The following PTGES3 variants were observed in gnomAD, a reference collection of about 807,000 sequenced individuals.
PTGES3 encodes the protein prostaglandin E synthase 3.
PTGES3 carries 5 observed loss-of-function variants against 29.9 expected under a neutral mutation model. That is an observed-to-expected ratio of 0.17 (90% CI 0.09 to 0.35). PTGES3 has a LOEUF of 0.35. Ranked by LOEUF, PTGES3 falls within the 10% of genes least tolerant of loss-of-function variation. The pLI is 1.00. For synonymous variants in PTGES3, 49 were observed against 57.8 expected (o/e 0.85, Z 0.69); for missense variants, 128 against 190.0 (o/e 0.67, Z 1.92).
intron 5 of PTGES3, among the ~76,000 whole-genome samples, chr12:56,666,635 CT>C (rs201297659): frequency 3.4e-5 from 5 of 149,012 alleles, no homozygotes; most frequent in African/African-American, 7.4e-5. Flanking sequence ...TTAAGGTATT[CT>C]TTTTTTTTTG....
At chr12:56,687,505 C>T (rs1262012093) in intron 1 of PTGES3, 3 of 997,550 alleles carry the variant, frequency 3.0e-6, no homozygotes, top group Non-Finnish European at 3.6e-6. Flanking sequence ...ACCTGCAGCT[C>T]ACGGCGAGGT....
At chr12:56,664,910 A>G (rs541592649) in intron 6 of PTGES3, 110 bp from the exon 7 acceptor site, 2 of 1,482,214 alleles carry the variant, frequency 1.3e-6, no homozygotes, top group East Asian at 4.7e-5. Flanking sequence ...TAGCACAGGT[A>G]GGTAGTCATA....
intron 4 of PTGES3, 24 bp downstream of exon 4, chr12:56,671,725 T>C (rs757505603): frequency 7.0e-7 from 1 of 1,425,918 alleles, no homozygotes; most frequent in East Asian, 2.4e-5. Flanking sequence ...ATCAAACTTT[T>C]CAAAAAAGGA....
chr12:56,686,810 T>G, intron 1 of PTGES3: 1 of 398,368 alleles, frequency 2.5e-6, no homozygotes, highest in Non-Finnish European at 4.4e-6. Flanking sequence ...TCCCTTTAGA[T>G]TTCTAGCCAA....
chr12:56,669,755 G>GC (rs1214449187), intron 5 of PTGES3, among the ~76,000 whole-genome samples: 1 of 151,938 alleles, frequency 6.6e-6, no homozygotes, highest in Non-Finnish European at 1.5e-5. Flanking sequence ...GACCACAGGT[G>GC]CGCGCCACCA....
chr12:56,687,676 G>A, intron 1 of PTGES3: 1 of 1,269,672 alleles, frequency 7.9e-7, no homozygotes, highest in Non-Finnish European at 1.0e-6. Flanking sequence ...GGCGCCGCAT[G>A]GCGAGCAGCT....
rs764685182 is a variant in PTGES3, at chr12:56,672,782, C to A, written c.144G>T (p.Lys48Asn). The A allele has an allele frequency of 1.9e-6, 3 of 1,588,906 alleles. No homozygotes were observed. In the Admixed American group the frequency reaches 5.5e-5, roughly 29 times the overall value. Reference protein sequence around the residue: ...FSCLGGSDNFKHLNEIDLFHC... With the variant: ...FSCLGGSDNFNHLNEIDLFHC... Reference sequence around the variant, plus strand: ...GAAAAAGATCAATTTCATTTAAATGCTTAAAATTATCACTTCCTCCGAGAC... The same window carrying A: ...GAAAAAGATCAATTTCATTTAAATGATTAAAATTATCACTTCCTCCGAGAC... The change falls in exon 3 of 8, where the codon AAG (lysine) becomes AAT (asparagine). Residue 48 changes from lysine to asparagine, a missense_variant. Coordinates refer to ENST00000262033, the MANE Select transcript of PTGES3 (RefSeq NM_006601.7).
chr12:56,682,721 G>GGAAAAAAAA, intron 1 of PTGES3, among the ~76,000 whole-genome samples: 1 of 114,292 alleles, frequency 8.7e-6, no homozygotes, highest in East Asian at 2.6e-4. Context: ...CCATTTAAAA[G>GGAAAAAAAA]AAAAAAAAAA....
At chr12:56,673,157 G>A (rs956847757) in intron 1 of PTGES3, 92 bp from the exon 2 acceptor site, 1 of 768,364 alleles carries the variant, frequency 1.3e-6, no homozygotes, top group Non-Finnish European at 2.0e-6. Flanking sequence ...CATTATTTCA[G>A]GGCAGTTTGT....
At chr12:56,666,034 G>GAT (rs202184849) in intron 6 of PTGES3, 170 bp downstream of exon 6, 2 of 1,384,072 alleles carry the variant, frequency 1.4e-6, no homozygotes, top group African/African-American at 1.5e-5. Context: ...TTCCCTAATA[G>GAT]ATACCCCCAT....
rs1952173395 is a variant in PTGES3 at position 56,675,011 on chromosome 12, A to AAAAAT, written c.3-1947_3-1946insATTTT. On this transcript the variant is annotated intron_variant, in intron 1 of 7. Coordinates refer to ENST00000262033, the MANE Select transcript of PTGES3 (RefSeq NM_006601.7). ...AAGAGTGAAACTCGGTCTCAAAAAA[A>AAAAAT]AAAAAAAAAAAAAAAAGTGCTGGTT... 2.8e-5 allele frequency among the ~76,000 whole-genome samples: 4 copies of AAAAAT among 145,180 alleles called. 1 individual carries two copies. Among genetic ancestry groups the AAAAAT allele is most frequent in the Non-Finnish European group, 6.1e-5 (4 of 65,900 alleles).
intron 1 of PTGES3, among the ~76,000 whole-genome samples, chr12:56,678,216 C>T (rs1404319486): frequency 2.6e-5 from 4 of 152,070 alleles, no homozygotes; most frequent in South Asian, 2.1e-4. Flanking sequence ...CTGGCTCTGT[C>T]GCCCAGGTTG....
chr12:56,670,238 G>T, intron 5 of PTGES3, 37 bp downstream of exon 5: 1 of 1,377,866 alleles, frequency 7.3e-7, no homozygotes, highest in Non-Finnish European at 1.0e-6. Context: ...GGTACCGTGT[G>T]CTTCGAATGG....
At chr12:56,669,960 A>G (rs1951938106) in intron 5 of PTGES3, among the ~76,000 whole-genome samples, 1 of 133,156 alleles carries the variant, frequency 7.5e-6, no homozygotes, top group Non-Finnish European at 1.6e-5. Context: ...AACTACTGCA[A>G]TCATGCTTTA....
intron 3 of PTGES3, 147 bp downstream of exon 3, chr12:56,672,593 T>C (rs1405488693): frequency 1.5e-5 from 16 of 1,040,438 alleles, no homozygotes; most frequent in Non-Finnish European, 1.9e-5. Context: ...GAAACCAATT[T>C]TGGAGGAAAT....
intron 5 of PTGES3, among the ~76,000 whole-genome samples, chr12:56,669,320 G>A (rs771427925): frequency 6.6e-6 from 1 of 152,164 alleles, no homozygotes; most frequent in African/African-American, 2.4e-5. Context: ...GGCCTCCCGA[G>A]TAGCTGGAAT....
chr12:56,686,798 C>T (rs191353503), intron 1 of PTGES3: 2 of 398,316 alleles, frequency 5.0e-6, no homozygotes, highest in East Asian at 7.1e-5. Context: ...CAGCCTCACG[C>T]ATCCCTTTAG....
At chr12:56,677,201 T>C (rs941255056) in intron 1 of PTGES3, among the ~76,000 whole-genome samples, 1 of 150,466 alleles carries the variant, frequency 6.6e-6, no homozygotes, top group Non-Finnish European at 1.5e-5. Flanking sequence ...ATAGCGCCAC[T>C]GCACTCTAGC....
intron 1 of PTGES3, chr12:56,687,023 A>AAC (rs1486500370): frequency 2.6e-6 from 1 of 391,812 alleles, no homozygotes; most frequent in African/African-American, 2.1e-5. Flanking sequence ...AAAAAAAAAA[A>AAC]AAAAAAACCC....
Sources: gnomAD v4.1 joint callset for allele counts (sites outside exome capture counted in the v4.1 genomes callset) on GRCh38, gnomAD v4.1.1 for gene constraint, MANE v1.5 for transcripts, NCBI Gene and HGNC (gene_info 2026-07-23, HGNC 2026-07-21) for gene names.